The following PITPNC1 variants were observed in gnomAD, a reference collection of about 807,000 sequenced individuals.
PITPNC1 encodes the protein cytoplasmic phosphatidylinositol transfer protein 1.
Under a neutral mutation model 44.7 loss-of-function variants are expected in PITPNC1, and 18 were observed. The ratio of observed to expected loss-of-function variants is 0.40; its 90% CI spans 0.28 to 0.60. PITPNC1 has a LOEUF of 0.60. Among genes scored for constraint, PITPNC1 ranks in the 20% least tolerant of loss-of-function variants. PITPNC1 has a pLI of 0.39. For synonymous variants in PITPNC1, 141 were observed against 149.6 expected, an observed-to-expected ratio of 0.94 and a Z score of 0.42; for missense variants, 290 against 418.4, an observed-to-expected ratio of 0.69 and a Z score of 2.68.
chr17:67,451,076 G>A (rs899185485), intron 1 of PITPNC1, among the ~76,000 whole-genome samples: 1 of 152,132 alleles, frequency 6.6e-6, no homozygotes, highest in Admixed American at 6.5e-5. Flanking sequence ...TTGTCACTCA[G>A]GCTGGAGTGC....
chr17:67,661,200 G>C (rs762225258), intron 6 of PITPNC1, among the ~76,000 whole-genome samples: 1 of 151,818 alleles, frequency 6.6e-6, no homozygotes, highest in Non-Finnish European at 1.5e-5. Flanking sequence ...ATATGATTTC[G>C]GTGGTGGTTT....
At chr17:67,672,444 C>T (rs1347749737) in intron 7 of PITPNC1, among the ~76,000 whole-genome samples, 1 of 151,140 alleles carries the variant, frequency 6.6e-6, no homozygotes, top group Non-Finnish European at 1.5e-5. Flanking sequence ...ACTAAAAATA[C>T]AAAAATTAGC....
At chr17:67,428,712 CAAAGTTTTTT>C (rs1216129909) in intron 1 of PITPNC1, among the ~76,000 whole-genome samples, 2 of 151,842 alleles carry the variant, frequency 1.3e-5, no homozygotes, top group African/African-American at 4.8e-5. Flanking sequence ...CAAAGGTTTT[CAAAGTTTTTT>C]GACAGTCATT....
chr17:67,465,131 C>T (rs1220973037), intron 1 of PITPNC1, among the ~76,000 whole-genome samples: 1 of 152,184 alleles, frequency 6.6e-6, no homozygotes, highest in Non-Finnish European at 1.5e-5. Flanking sequence ...GTGTTGCATT[C>T]TGTGTCTGTT....
chr17:67,421,176 T>C (rs1169874155), intron 1 of PITPNC1, among the ~76,000 whole-genome samples: 1 of 152,222 alleles, frequency 6.6e-6, no homozygotes, highest in East Asian at 1.9e-4. Flanking sequence ...CAGGAACTGT[T>C]AGTTTTTCAC....
In PITPNC1 at chr17:67,695,733, T is replaced by A. The variant is rs1032322814; in HGVS notation, c.*2845T>A. The A allele has an allele frequency of 6.6e-6, 1 of 152,018 alleles. No homozygotes were observed. Among genetic ancestry groups the A allele is most frequent in the Admixed American group, 6.6e-5 (1 of 15,248 alleles). 9.4% of individuals were successfully genotyped at this position (152,018 alleles called of 1,614,324 possible). A position where few individuals can be genotyped will look rare whatever the true frequency, so the allele number is the denominator to read the frequency against. ...TAGAATATCACATACGTTCACTCCA[T>A]CTTCATCTCTGAAGTTAGTGGAGAC... On this transcript the variant is annotated 3_prime_UTR_variant, in exon 9 of 9. Coordinates refer to ENST00000581322, the MANE Select transcript of PITPNC1 (RefSeq NM_012417.4).
At chr17:67,405,605 C>G (rs570544010) in intron 1 of PITPNC1, among the ~76,000 whole-genome samples, 1 of 150,398 alleles carries the variant, frequency 6.6e-6, no homozygotes, top group Non-Finnish European at 1.5e-5. Context: ...TTCTTTCTTT[C>G]TTTCTTTTTT....
intron 4 of PITPNC1, among the ~76,000 whole-genome samples, chr17:67,562,584 T>C (rs1437755379): frequency 6.6e-6 from 1 of 152,180 alleles, no homozygotes; most frequent in East Asian, 1.9e-4. Flanking sequence ...TTTGTGGAAC[T>C]ATCTTCTTTG....
intron 1 of PITPNC1, among the ~76,000 whole-genome samples, chr17:67,390,858 T>G (rs1440414479): frequency 2.6e-5 from 4 of 152,178 alleles, no homozygotes; most frequent in Non-Finnish European, 5.9e-5. Flanking sequence ...CAAGACTGTT[T>G]GTTGACTTAG....
rs61094990 is a variant in PITPNC1 at position 67,670,750 on chromosome 17, CAAAAAAAAA to C, written c.618+1098_618+1106del. 4.5e-3 allele frequency among the ~76,000 whole-genome samples: 275 copies of C among 60,518 alleles called. 1 individual carries two copies. Among genetic ancestry groups the C allele is most frequent in the Middle Eastern group, 0.017 (2 of 116 alleles). The allele number at this position is 60,518 out of a possible 152,430, so 39.7% of individuals were successfully genotyped here. ...TGGGTGACAGAGCAAGACTCCATCT[CAAAAAAAAA>C]AAAAAAAAAAGGAAATAATAAGAAT... is the stretch of plus-strand genomic sequence containing the variant. On this transcript the variant is annotated intron_variant, in intron 7 of 8. Coordinates refer to ENST00000581322, the MANE Select transcript of PITPNC1 (RefSeq NM_012417.4).
intron 5 of PITPNC1, among the ~76,000 whole-genome samples, chr17:67,610,410 T>A (rs1598883768): frequency 6.6e-6 from 1 of 152,352 alleles, no homozygotes. Context: ...GAAAATTACA[T>A]TGGAAATTGT....
rs557189002 is a variant in PITPNC1 at position 67,498,365 on chromosome 17, G to C, written c.49-34437G>C. Reference sequence around the variant, plus strand: ...TCCCAGCACTTTGGGAGGCCGAGGCGGGCAGATCATCTGCAGTCAGGAGTT... The same window carrying C: ...TCCCAGCACTTTGGGAGGCCGAGGCCGGCAGATCATCTGCAGTCAGGAGTT... On this transcript the variant is annotated intron_variant, in intron 1 of 8. Transcript: ENST00000581322. Among the ~76,000 whole-genome samples the C allele has an allele frequency of 5.4e-4, 82 of 152,186 alleles. 1 individual carries two copies. In the South Asian group the frequency reaches 0.016, roughly 30 times the overall value.
intron 1 of PITPNC1, among the ~76,000 whole-genome samples, chr17:67,382,625 G>A (rs748100102): frequency 2.2e-4 from 33 of 151,932 alleles, no homozygotes; most frequent in Non-Finnish European, 4.3e-4. Context: ...GTTTTTGTTT[G>A]TTTGTTTCTT....
intron 5 of PITPNC1, among the ~76,000 whole-genome samples, chr17:67,625,759 G>A (rs960091603): frequency 2.0e-5 from 3 of 152,134 alleles, no homozygotes; most frequent in South Asian, 2.1e-4. Context: ...CTAACAGGAC[G>A]CAGAGGCCAC....
chr17:67,678,218 T>TAAAAA (rs3028851), intron 8 of PITPNC1, among the ~76,000 whole-genome samples: 3 of 146,274 alleles, frequency 2.1e-5, no homozygotes, highest in Non-Finnish European at 3.0e-5. Flanking sequence ...CTCGTCTCTT[T>TAAAAA]AAAAAAAAAA....
chr17:67,469,277 G>A (rs576784923), intron 1 of PITPNC1, among the ~76,000 whole-genome samples: 8 of 152,142 alleles, frequency 5.3e-5, no homozygotes, highest in East Asian at 3.9e-4. Context: ...CCAAGCACCC[G>A]CCCCACTGCT....
chr17:67,591,030 C>T (rs901543016), intron 5 of PITPNC1, among the ~76,000 whole-genome samples: 1 of 151,996 alleles, frequency 6.6e-6, no homozygotes, highest in Non-Finnish European at 1.5e-5. Flanking sequence ...AACCAAATGT[C>T]TGTAACGTTA....
At chr17:67,550,241 G>T (rs973358651) in intron 2 of PITPNC1, among the ~76,000 whole-genome samples, 1 of 152,182 alleles carries the variant, frequency 6.6e-6, no homozygotes, top group Non-Finnish European at 1.5e-5. Context: ...AACTGCTTCT[G>T]CTGACTCCTC....
intron 8 of PITPNC1, among the ~76,000 whole-genome samples, chr17:67,684,088 A>G (rs1265447605): frequency 6.7e-6 from 1 of 149,636 alleles, no homozygotes. Flanking sequence ...GACGGTATCC[A>G]TCTCATAATG....
Sources: gnomAD v4.1 joint callset for allele counts (sites outside exome capture counted in the v4.1 genomes callset) on GRCh38, gnomAD v4.1.1 for gene constraint, MANE v1.5 for transcripts, NCBI Gene and HGNC (gene_info 2026-07-23, HGNC 2026-07-21) for gene names.